IHO1: variants seen among roughly 807,000 people sequenced by gnomAD.
IHO1 encodes the protein interactor of HORMAD1 1, also known as interactor of HORMAD1 protein 1.
Under a neutral mutation model 31.0 loss-of-function variants are expected in IHO1, and 13 were observed. The ratio of observed to expected loss-of-function variants is 0.42; its 90% CI spans 0.27 to 0.67. IHO1 has a LOEUF of 0.67. Among genes scored for constraint, IHO1 ranks in the 30% least tolerant of loss-of-function variants. The probability of loss-of-function intolerance (pLI) is 0.24; values close to 1 mark genes in which losing one functional copy is unlikely to be tolerated. For synonymous variants in IHO1, 221 were observed against 248.4 expected, an observed-to-expected ratio of 0.89 and a Z score of 1.04; for missense variants, 599 against 687.5, an observed-to-expected ratio of 0.87 and a Z score of 1.44.
chr3:49,234,897 A>G (rs757393210), intron 2 of IHO1, among the ~76,000 whole-genome samples: 8 of 151,428 alleles, frequency 5.3e-5, no homozygotes, highest in Non-Finnish European at 4.4e-5. Flanking sequence ...CCCAGGCTGG[A>G]GTGCAGTGGC....
chr3:49,238,278 G>A (rs1437871300), intron 3 of IHO1, among the ~76,000 whole-genome samples: 1 of 151,736 alleles, frequency 6.6e-6, no homozygotes, highest in African/African-American at 2.4e-5. Context: ...ATAACTAAAT[G>A]TAGTTTTGTT....
intron 2 of IHO1, among the ~76,000 whole-genome samples, chr3:49,222,522 T>C (rs956796940): frequency 6.6e-6 from 1 of 152,182 alleles, no homozygotes; most frequent in East Asian, 1.9e-4. Flanking sequence ...AAAAGGTTGA[T>C]GTGATTAGGA....
chr3:49,236,457 C>T, intron 2 of IHO1, 91 bp from the exon 3 acceptor site: 1 of 956,788 alleles, frequency 1.0e-6, no homozygotes. Context: ...TCATTCTGCC[C>T]AAAATGTTCT....
chr3:49,200,537 G>A, intron 1 of IHO1: 1 of 960,448 alleles, frequency 1.0e-6, no homozygotes, highest in Non-Finnish European at 1.2e-6. Context: ...GATTGTCGCA[G>A]TAGAGTTGAC....
At chr3:49,255,350 A>G in intron 6 of IHO1, 40 bp from the exon 7 acceptor site, 3 of 1,408,244 alleles carry the variant, frequency 2.1e-6, no homozygotes, top group Non-Finnish European at 2.9e-6. Context: ...CATACCATAC[A>G]TAGTCTTCAG....
chr3:49,253,815 G>A (rs189923563), intron 6 of IHO1, among the ~76,000 whole-genome samples: 1 of 148,724 alleles, frequency 6.7e-6, no homozygotes, highest in Non-Finnish European at 1.5e-5. Context: ...AATTTCAAGA[G>A]GGCTTTATTT....
intron 1 of IHO1, among the ~76,000 whole-genome samples, chr3:49,200,846 A>C (rs1159480524): frequency 6.6e-6 from 1 of 152,160 alleles, no homozygotes; most frequent in African/African-American, 2.4e-5. Context: ...AGCTTTAGAG[A>C]GATGGGATTT....
intron 6 of IHO1, among the ~76,000 whole-genome samples, chr3:49,252,726 G>GT (rs2046774710): frequency 1.3e-5 from 2 of 151,290 alleles, no homozygotes; most frequent in African/African-American, 4.8e-5. Flanking sequence ...TGCCCAGCCT[G>GT]TTTATTATTT....
At chr3:49,205,319 G>A (rs2046121747) in intron 1 of IHO1, among the ~76,000 whole-genome samples, 1 of 151,454 alleles carries the variant, frequency 6.6e-6, no homozygotes, top group African/African-American at 2.4e-5. Context: ...CGGTGAGGGC[G>A]ACCAGAGGTC....
At chr3:49,209,984 G>A (rs531503290) in intron 1 of IHO1, among the ~76,000 whole-genome samples, 1 of 151,398 alleles carries the variant, frequency 6.6e-6, no homozygotes, top group South Asian at 2.1e-4. Context: ...CCAAAGTGCT[G>A]GGATTACAGG....
intron 2 of IHO1, among the ~76,000 whole-genome samples, chr3:49,223,582 T>G (rs1214096150): frequency 6.6e-6 from 1 of 151,776 alleles, no homozygotes; most frequent in East Asian, 1.9e-4. Context: ...TCCCAGCTAC[T>G]CGGGAGGCTG....
Position 49,256,268 on chromosome 3 carries a change from G to A in IHO1, c.771G>A (p.Leu257=), listed in dbSNP as rs763932759. 14 of 1,614,076 alleles carry A rather than the reference G, an allele frequency of 8.7e-6. No individual in the cohort carries two copies. Among genetic ancestry groups the A allele is most frequent in the Admixed American group, 6.7e-5 (4 of 59,992 alleles). ...ATGTGCCCAGTGTCCTAGCAGAGCT[G>A]AAGAGATTGATCTCAGTGCCTCCAG... ...QLNVPSVLAE[L]KRLISVPPVK... is the part of the protein sequence containing the mutation. The change falls in exon 8 of 8, where the codon CTG becomes CTA. Residue 257 remains leucine (L), a synonymous_variant. Transcript: ENST00000452691. The surrounding 1 kb of genome is among the most constrained non-coding windows in gnomAD (Gnocchi z 4.6).
intron 2 of IHO1, among the ~76,000 whole-genome samples, chr3:49,224,085 G>A (rs887457828): frequency 6.6e-6 from 1 of 152,142 alleles, no homozygotes; most frequent in African/African-American, 2.4e-5. Context: ...TGAAAAGTTT[G>A]GTGGAGCGTT....
In IHO1 at chr3:49,208,977, A is replaced by G. The variant is rs151141835; in HGVS notation, c.-15-2789A>G. On this transcript the variant is annotated intron_variant, in intron 1 of 7. Transcript: ENST00000452691. ...AGGGGTTGAACAGTCATGACTGAAT[A>G]TAATTGACAGCTTCCTGACCTTTGT... Among the ~76,000 whole-genome samples the G allele has an allele frequency of 3.3e-4, 50 of 152,352 alleles. No homozygotes were observed. In the Middle Eastern group the frequency reaches 0.01, roughly 31 times the overall value.
At chr3:49,248,820 C>G (rs1158633149) in intron 6 of IHO1, among the ~76,000 whole-genome samples, 3 of 152,164 alleles carry the variant, frequency 2.0e-5, no homozygotes, top group Non-Finnish European at 4.4e-5. Flanking sequence ...GCACAAGTAG[C>G]CTATCCAGAA....
intron 2 of IHO1, among the ~76,000 whole-genome samples, chr3:49,212,225 G>T (rs1230665220): frequency 6.6e-6 from 1 of 150,990 alleles, no homozygotes. Context: ...ATGGGTTCCT[G>T]GTCAGGCATG....
chr3:49,253,920 A>C (rs1178253406), intron 6 of IHO1, among the ~76,000 whole-genome samples: 2 of 136,524 alleles, frequency 1.5e-5, no homozygotes, highest in Non-Finnish European at 3.0e-5. Context: ...TGCAACCTCT[A>C]CCTCCCAGGT....
upstream of IHO1, among the ~76,000 whole-genome samples, chr3:49,194,007 C>T (rs1233245519): frequency 2.0e-5 from 3 of 149,494 alleles, no homozygotes; most frequent in Non-Finnish European, 4.4e-5. Flanking sequence ...CCGTGGCTCA[C>T]GTCTGTAGCC....
At chr3:49,234,271 C>T (rs1192774110) in intron 2 of IHO1, among the ~76,000 whole-genome samples, 1 of 143,980 alleles carries the variant, frequency 6.9e-6, no homozygotes, top group Non-Finnish European at 1.5e-5. Context: ...CTCCCTGGTT[C>T]AAGTGATTCT....
Sources: allele counts gnomAD v4.1 joint callset (sites outside exome capture counted in the v4.1 genomes callset), GRCh38; gene constraint gnomAD v4.1.1; non-coding constraint Gnocchi (gnomAD v3.1); transcripts MANE v1.5; gene names NCBI Gene and HGNC (gene_info 2026-07-23, HGNC 2026-07-21).